The following ITPR1 variants were observed in gnomAD, a reference collection of about 807,000 sequenced individuals.
ITPR1 encodes inositol 1,4,5-trisphosphate-gated calcium channel ITPR1.
Under a neutral mutation model 318.4 loss-of-function variants are expected in ITPR1, and 96 were observed. The ratio of observed to expected loss-of-function variants is 0.30; its 90% CI spans 0.26 to 0.36. The LOEUF (loss-of-function observed/expected upper bound fraction) is 0.36. Among genes scored for constraint, ITPR1 ranks in the 10% least tolerant of loss-of-function variants. The pLI, the probability that ITPR1 is intolerant of heterozygous loss-of-function variation, is 1.00. For missense variants in ITPR1, 2,440 were observed against 3,460.2 expected, an observed-to-expected ratio of 0.71 and a Z score of 7.40; for synonymous variants, 1,312 against 1,289.9, an observed-to-expected ratio of 1.02 and a Z score of -0.37.
chr3:4,518,485 A>G (rs1304931652), intron 3 of ITPR1, among the ~76,000 whole-genome samples: 2 of 152,302 alleles, frequency 1.3e-5, no homozygotes, highest in East Asian at 1.9e-4. Context: ...TTGCTTGCAC[A>G]TATTTGAGGA....
intron 35 of ITPR1, among the ~76,000 whole-genome samples, chr3:4,701,978 C>G (rs17041231): frequency 0.04 from 6,112 of 152,094 alleles, 438 homozygotes; most frequent in African/African-American, 0.14. Context: ...TATTAACTTC[C>G]GCTGTTTTTA....
chr3:4,580,687 C>T (rs575075082), intron 4 of ITPR1, among the ~76,000 whole-genome samples: 2 of 152,178 alleles, frequency 1.3e-5, no homozygotes, highest in Non-Finnish European at 2.9e-5. Flanking sequence ...CAACCTCTTG[C>T]AGGGCCAGAA....
chr3:4,801,581 T>C (rs905310679), intron 54 of ITPR1, among the ~76,000 whole-genome samples: 9 of 152,040 alleles, frequency 5.9e-5, no homozygotes, highest in African/African-American at 2.2e-4. Flanking sequence ...CTGGCTAACA[T>C]GGCAGAACCC....
At chr3:4,837,062 CAG>C (rs1215289662) in intron 61 of ITPR1, 127 bp downstream of exon 61, 2 of 784,318 alleles carry the variant, frequency 2.5e-6, no homozygotes, top group Admixed American at 6.2e-5. Flanking sequence ...AGCCAGGCAA[CAG>C]GGGACAAACC....
rs2048163703 is a variant in ITPR1 at position 4,800,590 on chromosome 3, G to A, written c.7097G>A (p.Gly2366Asp). Residue 2366 changes from glycine to aspartate, a missense_variant, in exon 54 of 62, where the codon GGC becomes GAC. Coordinates refer to ENST00000649015, the MANE Select transcript of ITPR1 (RefSeq NM_001378452.1). ...TTACAACCCACGTTGTTTCTTCTGG[G>A]CGCTTTCAATGTAAGTGTGAATACC... Reference protein sequence around the residue: ...VGLQPTLFLLGAFNVCNKIIF... With the variant: ...VGLQPTLFLLDAFNVCNKIIF... The A allele has an allele frequency of 1.2e-6, 2 of 1,613,938 alleles. No homozygotes were observed. The highest frequency in any genetic ancestry group is 1.7e-6 in the Non-Finnish European group (2 of 1,179,842).
At chr3:4,705,197 A>G (rs188820204) in intron 36 of ITPR1, among the ~76,000 whole-genome samples, 147 of 152,316 alleles carry the variant, frequency 9.7e-4, no homozygotes, top group African/African-American at 2.3e-3. Flanking sequence ...CCCATATGGA[A>G]AAGAGTGATT....
At chr3:4,681,631 G>A (rs886696711) in intron 26 of ITPR1, among the ~76,000 whole-genome samples, 1 of 150,906 alleles carries the variant, frequency 6.6e-6, no homozygotes, top group East Asian at 1.9e-4. Flanking sequence ...GAAAGTGTGT[G>A]TGTGTGTGTG....
intron 4 of ITPR1, among the ~76,000 whole-genome samples, chr3:4,585,697 A>G (rs1301034895): frequency 6.6e-6 from 1 of 152,016 alleles, no homozygotes; most frequent in Admixed American, 6.5e-5. Context: ...TCAGCCTCCC[A>G]AAGTGCTAGG....
chr3:4,690,189 A>G lies in ITPR1; in HGVS notation c.3829-955A>G, dbSNP rs1481694507. ...TACTTGGAGGCTGAGGCAGGAGAAT[A>G]GCTTGAACTCAGGAGGTGGAGGTTG... On this transcript the variant is annotated intron_variant, in intron 31 of 61. Transcript: ENST00000649015. 2.6e-5 allele frequency among the ~76,000 whole-genome samples: 4 copies of G among 152,270 alleles called. No homozygotes were observed. The East Asian group carries it at 7.7e-4, about 29-fold the overall frequency.
intron 32 of ITPR1, among the ~76,000 whole-genome samples, chr3:4,693,110 G>A (rs1425671240): frequency 6.6e-6 from 1 of 152,100 alleles, no homozygotes; most frequent in Non-Finnish European, 1.5e-5. Context: ...GGCAACAAGA[G>A]TGAAATTCCA....
At chr3:4,570,285 A>C (rs1245246513) in intron 4 of ITPR1, among the ~76,000 whole-genome samples, 4 of 152,258 alleles carry the variant, frequency 2.6e-5, no homozygotes, top group Admixed American at 2.0e-4. Context: ...CTTCTCATAA[A>C]ATAGCCATTT....
intron 1 of ITPR1, among the ~76,000 whole-genome samples, chr3:4,493,806 G>T (rs1484710361): frequency 1.3e-5 from 2 of 152,154 alleles, no homozygotes; most frequent in Non-Finnish European, 2.9e-5. Flanking sequence ...TCTAGTGCGT[G>T]GCTTTGGGGG....
At chr3:4,558,947 T>G (rs2086408987) in intron 4 of ITPR1, among the ~76,000 whole-genome samples, 1 of 152,168 alleles carries the variant, frequency 6.6e-6, no homozygotes, top group African/African-American at 2.4e-5. Context: ...AATACCATTA[T>G]CATACCTAAC....
At position 4,789,454 on chromosome 3, in the gene ITPR1, T is replaced by C. The variant is rs1227233640; in HGVS notation, c.6808+1315T>C. Among the ~76,000 whole-genome samples the C allele has an allele frequency of 2.0e-5, 3 of 152,202 alleles. No individual in the cohort carries two copies. In the East Asian group the frequency reaches 5.8e-4, roughly 29 times the overall value. ...CAATAAGAGGGAAAAAGATACCCTG[T>C]ACTCCAAAAGGGAGACATAGACCCC... On this transcript the variant is annotated intron_variant, in intron 52 of 61. Coordinates refer to ENST00000649015, the MANE Select transcript of ITPR1 (RefSeq NM_001378452.1).
At chr3:4,543,261 C>CA (rs879593198) in intron 4 of ITPR1, among the ~76,000 whole-genome samples, 2,528 of 118,856 alleles carry the variant, frequency 0.021, 58 homozygotes, top group African/African-American at 0.067. Flanking sequence ...GAGCCTGTCT[C>CA]AAAAAAAAAA....
intron 16 of ITPR1, 29 bp from the exon 17 acceptor site, chr3:4,665,109 C>T (rs759998488): frequency 1.1e-5 from 17 of 1,613,280 alleles, no homozygotes. Context: ...TAAGTGATTG[C>T]CATTTTTGCT....
At chr3:4,647,235 C>T (rs2093478908) in intron 10 of ITPR1, among the ~76,000 whole-genome samples, 1 of 151,708 alleles carries the variant, frequency 6.6e-6, no homozygotes, top group Non-Finnish European at 1.5e-5. Flanking sequence ...TTAATTTGTT[C>T]CTTTATATTA....
chr3:4,779,353 C>T lies in ITPR1; in HGVS notation c.6292-197C>T, dbSNP rs1219085555. Among the ~76,000 whole-genome samples, 18 of 152,250 alleles carry T rather than the reference C, an allele frequency of 1.2e-4. No homozygotes were observed. The highest frequency in any genetic ancestry group is 7.8e-4 in the Admixed American group (12 of 15,290). Reference sequence around the variant, plus strand: ...TTTGTCCGAAATCAGATTCTGCACACGTATCTGGGGTCTGAAGGGGGATGC... The same window carrying T: ...TTTGTCCGAAATCAGATTCTGCACATGTATCTGGGGTCTGAAGGGGGATGC... On this transcript the variant is annotated intron_variant, in intron 48 of 61. Transcript: ENST00000649015. The surrounding 1 kb of genome is among the most constrained non-coding windows in gnomAD (Gnocchi z 4.0).
chr3:4,677,139 G>T (rs888183145), intron 24 of ITPR1, among the ~76,000 whole-genome samples: 3 of 152,042 alleles, frequency 2.0e-5, no homozygotes, highest in African/African-American at 7.3e-5. Flanking sequence ...TCATAACTAG[G>T]TTCAGGGTTC....
Sources: gnomAD v4.1 joint callset for allele counts (sites outside exome capture counted in the v4.1 genomes callset) on GRCh38, gnomAD v4.1.1 for gene constraint, Gnocchi (gnomAD v3.1) non-coding constraint, MANE v1.5 for transcripts, NCBI Gene and HGNC (gene_info 2026-07-23, HGNC 2026-07-21) for gene names.